Variants in HOOK2 observed in about 807,000 individuals in gnomAD.
HOOK2 encodes the protein hook microtubule tethering protein 2.
Under a neutral mutation model 111.9 loss-of-function variants are expected in HOOK2, and 108 were observed. That is an observed-to-expected ratio of 0.96 (90% CI 0.83 to 1.13). The LOEUF is 1.13. Ranked by LOEUF, HOOK2 falls within the 50% of genes most tolerant of loss-of-function variation. The pLI is 0.00. For synonymous variants in HOOK2, 405 were observed against 394.3 expected (o/e 1.03, Z -0.32); for missense variants, 978 against 951.3 (o/e 1.03, Z -0.37).
At chr19:12,769,192 C>T (rs1224663874) in intron 11 of HOOK2, among the ~76,000 whole-genome samples, 1 of 152,064 alleles carries the variant, frequency 6.6e-6, no homozygotes, top group Non-Finnish European at 1.5e-5. Flanking sequence ...GTCTCGATCT[C>T]CTGACCTCGG....
intron 3 of HOOK2, among the ~76,000 whole-genome samples, chr19:12,788,412 A>T (rs1003410111): frequency 1.3e-5 from 2 of 152,140 alleles, no homozygotes; most frequent in South Asian, 2.1e-4. Context: ...TTAAAATAAT[A>T]ATTATTATTT....
intron 11 of HOOK2, among the ~76,000 whole-genome samples, chr19:12,768,720 A>T (rs2145745099): frequency 1.3e-5 from 2 of 152,134 alleles, no homozygotes; most frequent in South Asian, 4.1e-4. Flanking sequence ...GCGATCTCCC[A>T]TCTCAACCTC....
At chr19:12,780,577 C>G (rs1326949316), upstream of HOOK2, among the ~76,000 whole-genome samples, 2 of 144,242 alleles carry the variant, frequency 1.4e-5, no homozygotes, top group Admixed American at 1.4e-4. Context: ...AGGATGGTCT[C>G]GATCTCCTGA....
chr19:12,763,867 T>G (rs1214739789), intron 20 of HOOK2, 89 bp from the exon 21 acceptor site: 8 of 874,704 alleles, frequency 9.1e-6, no homozygotes, highest in Non-Finnish European at 1.3e-5. Context: ...CATTCTTTCA[T>G]TCATTATAGA....
intron 18 of HOOK2, 112 bp from the exon 19 acceptor site, chr19:12,765,193 G>C (rs1968112038): frequency 9.8e-7 from 1 of 1,020,374 alleles, no homozygotes; most frequent in Admixed American, 1.8e-5. Context: ...CATGGCCACA[G>C]AGCCCTCTCT....
chr19:12,779,160 C>T (rs1292789651), upstream of HOOK2, among the ~76,000 whole-genome samples: 1 of 152,194 alleles, frequency 6.6e-6, no homozygotes. Context: ...GAGCCCACCC[C>T]CTCTACTGGT....
chr19:12,765,399 C>T (rs1968116872), intron 18 of HOOK2: 1 of 585,238 alleles, frequency 1.7e-6, no homozygotes, highest in African/African-American at 1.9e-5. Flanking sequence ...GCACTCCATC[C>T]AGCAGCCAGG....
chr19:12,775,097 C>T (rs1286120063), intron 1 of HOOK2, 200 bp from the exon 2 acceptor site: 1 of 843,870 alleles, frequency 1.2e-6, no homozygotes, highest in African/African-American at 1.8e-5. Context: ...CCCAACAAAC[C>T]CTGCGCGTCC....
upstream of HOOK2, among the ~76,000 whole-genome samples, chr19:12,781,896 G>A (rs533277890): frequency 7.2e-5 from 11 of 151,826 alleles, no homozygotes; most frequent in Middle Eastern, 3.4e-3. Context: ...CTGGAGTGCA[G>A]TGGCACAATC....
Position 12,791,514 on chromosome 19 carries a change from C to G in HOOK2, n.42-17289G>C, listed in dbSNP as rs576380751. 1 of 437,558 alleles carries G rather than the reference C, an allele frequency of 2.3e-6. No homozygotes were observed. Among genetic ancestry groups the G allele is most frequent in the Non-Finnish European group, 4.1e-6 (1 of 246,584 alleles). The allele number at this position is 437,558 out of a possible 1,614,324, so 27.1% of individuals were successfully genotyped here. A position where few individuals can be genotyped will look rare whatever the true frequency, so the allele number is the denominator to read the frequency against. ...ACCTTGAGAGCGGCCAGGCCAGCCT[C>G]GGAGCCAGCAGGGAGCTGGGAGCTG... is the stretch of plus-strand genomic sequence containing the variant. On this transcript the variant is annotated intron_variant and non_coding_transcript_variant, in intron 3 of 3. Coordinates refer to the HOOK2 transcript ENST00000589765. The surrounding 1 kb of genome is among the most constrained non-coding windows in gnomAD (Gnocchi z 7.0).
In HOOK2 at chr19:12,767,816, C is replaced by A; in HGVS notation, c.1303G>T (p.Asp435Tyr). ...QLQPRGLTQADPSLDPTSTPV... is the reference protein window; with the variant it reads ...QLQPRGLTQAYPSLDPTSTPV... ...ACCCCGGGATGGGGCTTCATCTCAC[C>A]GGCCTGGGTCAACCCCCGCGGCTGC... Residue 435 changes from aspartate to tyrosine, a missense_variant and splice_region_variant, in exon 13 of 23, where the codon GAT becomes TAT. Physicochemically the swap from Asp to Tyr is radical, Grantham distance 160. Coordinates refer to ENST00000397668, the MANE Select transcript of HOOK2 (RefSeq NM_013312.3). 6.2e-7 allele frequency: 1 copy of A among 1,601,202 alleles called. No homozygotes were observed. Among genetic ancestry groups the A allele is most frequent in the Non-Finnish European group, 8.5e-7 (1 of 1,179,594 alleles).
chr19:12,767,829 C>T lies in HOOK2; in HGVS notation c.1290G>A (p.Gly430=), dbSNP rs760639166. The T allele has an allele frequency of 2.5e-6, 4 of 1,602,900 alleles. No individual in the cohort carries two copies. Among genetic ancestry groups the T allele is most frequent in the Non-Finnish European group, 3.4e-6 (4 of 1,179,830 alleles). The change falls in exon 13 of 23, where the codon GGG becomes GGA. Residue 430 remains glycine (G), a synonymous_variant. Coordinates refer to ENST00000397668, the MANE Select transcript of HOOK2 (RefSeq NM_013312.3). ...GCTTCATCTCACCGGCCTGGGTCAACCCCCGCGGCTGCAGCTGGGCGCAGC... is the reference window on the plus strand; with the variant it reads ...GCTTCATCTCACCGGCCTGGGTCAATCCCCGCGGCTGCAGCTGGGCGCAGC... ...ELRCAQLQPR[G]LTQADPSLDP... is the part of the protein sequence containing the mutation.
At chr19:12,783,868 C>CT (rs1268906885) in intron 3 of HOOK2, among the ~76,000 whole-genome samples, 2 of 152,186 alleles carry the variant, frequency 1.3e-5, no homozygotes, top group African/African-American at 4.8e-5. Flanking sequence ...CCCAGACACT[C>CT]TAAGGCCATG....
intron 3 of HOOK2, chr19:12,792,268 C>T: frequency 1.3e-6 from 2 of 1,492,374 alleles, no homozygotes; most frequent in Admixed American, 2.4e-5. Flanking sequence ...GGGGGGCCCC[C>T]GGCTGGGCCC....
rs1276283953 is a variant in HOOK2 at position 12,771,141 on chromosome 19, G to A, written c.761+18C>T. On this transcript the variant is annotated intron_variant, in intron 9 of 22. Transcript: ENST00000397668. ...CCGGTCCCCTGGCTTGCCTGGCCCA[G>A]TCCCCAGCTGACCACACCTGAAGTT... The A allele has an allele frequency of 6.2e-7, 1 of 1,613,084 alleles. No individual in the cohort carries two copies. The highest frequency in any genetic ancestry group is 8.5e-7 in the Non-Finnish European group (1 of 1,179,390).
chr19:12,774,949 ACCGCTCCCCTTTTGCAGACTTTT>A, intron 1 of HOOK2, 52 bp from the exon 2 acceptor site: 1 of 1,517,968 alleles, frequency 6.6e-7, no homozygotes, highest in Non-Finnish European at 9.0e-7. Context: ...GGAGCGCCGA[ACCGCTCCCCTTTTGCAGACTTTT>A]CCAGTCAGCG....
intron 3 of HOOK2, among the ~76,000 whole-genome samples, chr19:12,789,123 AAAG>A (rs1291653852): frequency 2.0e-5 from 3 of 151,974 alleles, no homozygotes; most frequent in African/African-American, 7.3e-5. Context: ...TTTCTACCCT[AAAG>A]AAGAGAGAGG....
chr19:12,775,309 C>T lies in HOOK2; in HGVS notation c.45+96G>A, dbSNP rs532084459. On this transcript the variant is annotated intron_variant, in intron 1 of 22. Coordinates refer to ENST00000397668, the MANE Select transcript of HOOK2 (RefSeq NM_013312.3). ...AGCAAGTCGACGACCCCGCACCTCC[C>T]AGCCCCAGCACCAAGAGACTGACCG... 14 of 1,528,464 alleles carry T rather than the reference C, an allele frequency of 9.2e-6. No individual in the cohort carries two copies. The South Asian group carries it at 1.5e-4, about 16-fold the overall frequency. 94.7% of individuals were successfully genotyped at this position (1,528,464 alleles called of 1,614,324 possible).
At chr19:12,775,303 A>C (rs1599508078) in intron 1 of HOOK2, 102 bp downstream of exon 1, 2 of 1,511,818 alleles carry the variant, frequency 1.3e-6, no homozygotes, top group Non-Finnish European at 1.8e-6. Context: ...ACGACCCCGC[A>C]CCTCCCAGCC....
Sources: gnomAD v4.1 joint callset for allele counts (sites outside exome capture counted in the v4.1 genomes callset) on GRCh38, gnomAD v4.1.1 for gene constraint, Gnocchi (gnomAD v3.1) non-coding constraint, MANE v1.5 for transcripts, NCBI Gene and HGNC (gene_info 2026-07-23, HGNC 2026-07-21) for gene names.